TEKT5: variants seen among roughly 807,000 people sequenced by gnomAD.
TEKT5 encodes the protein tektin-5.
A neutral mutation model predicts 48.7 loss-of-function variants in TEKT5; 52 were observed. The ratio of observed to expected loss-of-function variants is 1.07; its 90% CI spans 0.86 to 1.35. TEKT5 has a LOEUF of 1.35. Ranked by LOEUF, TEKT5 falls within the 40% of genes most tolerant of loss-of-function variation. TEKT5 has a pLI of 0.00. For synonymous variants in TEKT5, 318 were observed against 267.6 expected, an observed-to-expected ratio of 1.19 and a Z score of -1.84; for missense variants, 831 against 641.6, an observed-to-expected ratio of 1.30 and a Z score of -3.19.
Position 10,635,853 on chromosome 16 carries a change from C to T in TEKT5, c.1152G>A (p.Lys384=). ...TCTGGGCCACCTTCAGCGGGCCCTC[C>T]TTGGCCATGATGGACCTTTCCAGCA... ...IMLLERSIMA[K]EGPLKVAQTR... is the part of the protein sequence containing the mutation. Residue 384 remains lysine (K), a synonymous_variant, in exon 6 of 7, where the codon AAG becomes AAA. Coordinates refer to ENST00000283025, the MANE Select transcript of TEKT5 (RefSeq NM_144674.2). 1.2e-6 allele frequency: 2 copies of T among 1,614,162 alleles called. No homozygotes were observed. Among genetic ancestry groups the T allele is most frequent in the Non-Finnish European group, 1.7e-6 (2 of 1,180,038 alleles).
At chr16:10,670,289 G>C (rs778952615) in intron 5 of TEKT5, among the ~76,000 whole-genome samples, 2 of 152,192 alleles carry the variant, frequency 1.3e-5, no homozygotes, top group Non-Finnish European at 2.9e-5. Flanking sequence ...CACTGTGGCA[G>C]GCCAAGGCGG....
At chr16:10,635,503 C>A (rs1026756504) in intron 6 of TEKT5, among the ~76,000 whole-genome samples, 1 of 152,142 alleles carries the variant, frequency 6.6e-6, no homozygotes, top group Admixed American at 6.5e-5. Flanking sequence ...TACAAAACCA[C>A]CCCTAGTTTA....
At chr16:10,675,914 G>A (rs1489938731) in intron 5 of TEKT5, 45 bp downstream of exon 5, 8 of 1,591,368 alleles carry the variant, frequency 5.0e-6, no homozygotes, top group South Asian at 2.2e-5. Flanking sequence ...GGAGAAGGGT[G>A]AGGGCTTGGC....
At chr16:10,665,238 G>T (rs565402544) in intron 5 of TEKT5, among the ~76,000 whole-genome samples, 2 of 152,156 alleles carry the variant, frequency 1.3e-5, no homozygotes, top group African/African-American at 4.8e-5. Flanking sequence ...GAATGCTGGG[G>T]CATAACATTA....
chr16:10,658,015 T>C (rs965394726), intron 5 of TEKT5, among the ~76,000 whole-genome samples: 5 of 152,174 alleles, frequency 3.3e-5, no homozygotes, highest in African/African-American at 1.2e-4. Flanking sequence ...ATCACTATAA[T>C]CTAATTTAGA....
At chr16:10,636,087 C>A (rs958145844) in intron 5 of TEKT5, among the ~76,000 whole-genome samples, 169 bp from the exon 6 acceptor site, 1 of 152,150 alleles carries the variant, frequency 6.6e-6, no homozygotes, top group Non-Finnish European at 1.5e-5. Flanking sequence ...TCCTAAGAAA[C>A]CTTGAGGCTG....
At chr16:10,656,042 C>T (rs1366920328) in intron 5 of TEKT5, among the ~76,000 whole-genome samples, 1 of 152,138 alleles carries the variant, frequency 6.6e-6, no homozygotes, top group Non-Finnish European at 1.5e-5. Context: ...CTCAGCACTA[C>T]TGACATTTTG....
chr16:10,648,712 A>T (rs1898108596), intron 5 of TEKT5, among the ~76,000 whole-genome samples: 1 of 152,152 alleles, frequency 6.6e-6, no homozygotes, highest in Non-Finnish European at 1.5e-5. Flanking sequence ...GACCATTTCC[A>T]GGCATGAGGC....
intron 5 of TEKT5, among the ~76,000 whole-genome samples, chr16:10,637,981 T>C (rs1897940046): frequency 6.6e-6 from 1 of 152,104 alleles, no homozygotes; most frequent in African/African-American, 2.4e-5. Flanking sequence ...TGGCTAATTG[T>C]TTAATTTTTT....
chr16:10,680,472 T>A (rs374729205), intron 4 of TEKT5, among the ~76,000 whole-genome samples: 2 of 141,610 alleles, frequency 1.4e-5, no homozygotes, highest in Admixed American at 7.2e-5. Flanking sequence ...TTTTTTTTTT[T>A]AACAGAAGAA....
intron 5 of TEKT5, among the ~76,000 whole-genome samples, chr16:10,660,991 C>T (rs575731298): frequency 2.6e-5 from 4 of 152,266 alleles, no homozygotes; most frequent in South Asian, 4.1e-4. Context: ...TGAGCCACCG[C>T]GCCCGGCTGT....
chr16:10,658,466 T>C (rs1036508368), intron 5 of TEKT5, among the ~76,000 whole-genome samples: 1 of 152,176 alleles, frequency 6.6e-6, no homozygotes, highest in Admixed American at 6.5e-5. Flanking sequence ...ACCAATACTA[T>C]ATTGAGTAGA....
chr16:10,659,260 CA>C (rs1898318395), intron 5 of TEKT5, among the ~76,000 whole-genome samples: 1 of 152,206 alleles, frequency 6.6e-6, no homozygotes, highest in Admixed American at 6.5e-5. Flanking sequence ...TTAATGCAGT[CA>C]AATATCACAT....
Position 10,678,581 on chromosome 16 carries a change from AG to A in TEKT5, c.864-2401del, listed in dbSNP as rs757145170. Among the ~76,000 whole-genome samples, 9 of 152,300 alleles carry A rather than the reference AG, an allele frequency of 5.9e-5. No homozygotes were observed. In the East Asian group the frequency reaches 1.2e-3, roughly 20 times the overall value. On this transcript the variant is annotated intron_variant, in intron 4 of 6. Coordinates refer to ENST00000283025, the MANE Select transcript of TEKT5 (RefSeq NM_144674.2). Reference sequence around the variant, plus strand: ...CAGGTTCAGAGCTTTCATCCAACCAAGACCTGAGGCTCAGAGAGTGAAGCAT... The same window carrying A: ...CAGGTTCAGAGCTTTCATCCAACCAAACCTGAGGCTCAGAGAGTGAAGCAT...
chr16:10,643,051 G>A (rs888234872), intron 5 of TEKT5, among the ~76,000 whole-genome samples: 4 of 152,166 alleles, frequency 2.6e-5, no homozygotes, highest in East Asian at 1.9e-4. Flanking sequence ...CATGGTGTGC[G>A]TCAAAACATA....
In TEKT5 at chr16:10,652,451, A is replaced by AACACACACAC. The variant is rs572277672; in HGVS notation, c.1087-16543_1087-16534dup. Reference sequence around the variant, plus strand: ...CAGCAATCCCTTATATACACAGGCAAACACACACACACACACACACACACA... The same window carrying AACACACACAC: ...CAGCAATCCCTTATATACACAGGCAAACACACACACACACACACACACACACACACACACA... On this transcript the variant is annotated intron_variant, in intron 5 of 6. Coordinates refer to ENST00000283025, the MANE Select transcript of TEKT5 (RefSeq NM_144674.2). Among the ~76,000 whole-genome samples, 73 of 66,776 alleles carry AACACACACAC rather than the reference A, an allele frequency of 1.1e-3. 4 individuals carry two copies. Among genetic ancestry groups the AACACACACAC allele is most frequent in the African/African-American group, 3.2e-3 (50 of 15,436 alleles). The allele number at this position is 66,776 out of a possible 152,430, so 43.8% of individuals were successfully genotyped here.
chr16:10,677,623 T>A lies in TEKT5; in HGVS notation c.864-1442A>T, dbSNP rs144689436. Among the ~76,000 whole-genome samples, 953 of 130,926 alleles carry A rather than the reference T, an allele frequency of 7.3e-3. 161 individuals carry two copies. The highest frequency in any genetic ancestry group is 0.033 in the African/African-American group (919 of 27,848). 85.9% of individuals were successfully genotyped at this position (130,926 alleles called of 152,430 possible). ...GACCCTGTCCCCCCCAACAAAAAAA[T>A]AAAAAGAAAATGCATGAAGCTGTCA... On this transcript the variant is annotated intron_variant, in intron 4 of 6. Coordinates refer to ENST00000283025, the MANE Select transcript of TEKT5 (RefSeq NM_144674.2).
In TEKT5 at chr16:10,632,988, C is replaced by T. The variant is rs115608167; in HGVS notation, c.1241+2776G>A. On this transcript the variant is annotated intron_variant, in intron 6 of 6. Transcript: ENST00000283025. ...CCTCCTCAGTGGTATGACTGTTGAA[C>T]GGGAAACGGGAAGGCAGAGAGCTTG... 3.5e-3 allele frequency among the ~76,000 whole-genome samples: 529 copies of T among 152,020 alleles called. 3 individuals are homozygous for T. The highest frequency in any genetic ancestry group is 0.012 in the African/African-American group (493 of 41,446).
At chr16:10,652,682 GACAC>G (rs1187367332) in intron 5 of TEKT5, among the ~76,000 whole-genome samples, 96 of 7,614 alleles carry the variant, frequency 0.013, 2 homozygotes, top group African/African-American at 0.022. Context: ...TACACAGGCA[GACAC>G]ACACACACAC....
Sources: gnomAD v4.1 joint callset for allele counts (sites outside exome capture counted in the v4.1 genomes callset) on GRCh38, gnomAD v4.1.1 for gene constraint, MANE v1.5 for transcripts, NCBI Gene and HGNC (gene_info 2026-07-23, HGNC 2026-07-21) for gene names.